The following FGD5 variants were observed in gnomAD, a reference collection of about 807,000 sequenced individuals.
FGD5 encodes the protein FYVE, RhoGEF and PH domain containing 5.
In FGD5, 28 loss-of-function variants were observed where a neutral mutation model predicts 133.4. That is an observed-to-expected ratio of 0.21 (90% CI 0.16 to 0.29). The LOEUF (loss-of-function observed/expected upper bound fraction) is 0.29, where lower values mean the gene tolerates loss of function less well. Among genes scored for constraint, FGD5 ranks in the 10% least tolerant of loss-of-function variants. FGD5 has a pLI of 1.00. For synonymous variants in FGD5, 810 were observed against 776.5 expected (o/e 1.04, Z -0.72); for missense variants, 1,858 against 1,895.2 (o/e 0.98, Z 0.36).
At chr3:14,814,608 C>T (rs546002765), upstream of FGD5, among the ~76,000 whole-genome samples, 13 of 152,298 alleles carry the variant, frequency 8.5e-5, 1 homozygote, top group East Asian at 2.5e-3. Context: ...TCTCTGTCCA[C>T]ACTCATGCCT....
intron 1 of FGD5, among the ~76,000 whole-genome samples, chr3:14,840,821 A>G (rs1311149372): frequency 6.6e-6 from 1 of 152,222 alleles, no homozygotes; most frequent in African/African-American, 2.4e-5. Context: ...GTGAGTGTAT[A>G]TAGTGTGTGT....
At chr3:14,900,316 T>A in intron 7 of FGD5, 87 bp from the exon 8 acceptor site, 1 of 1,356,768 alleles carries the variant, frequency 7.4e-7, no homozygotes, top group South Asian at 1.2e-5. Flanking sequence ...TTCTTCCAAC[T>A]CTGGCAAGAG....
chr3:14,882,436 G>A (rs2037843139), intron 4 of FGD5: 1 of 793,298 alleles, frequency 1.3e-6, no homozygotes, highest in East Asian at 1.3e-4. Flanking sequence ...GATGGCTCAT[G>A]CCTGTAATCT....
intron 1 of FGD5, among the ~76,000 whole-genome samples, chr3:14,812,598 T>C (rs1009653762): frequency 2.0e-5 from 3 of 152,096 alleles, no homozygotes; most frequent in Non-Finnish European, 2.9e-5. Context: ...CCTTTTTCAA[T>C]GTGATGGTAA....
chr3:14,844,197 T>A (rs566548099), intron 1 of FGD5, among the ~76,000 whole-genome samples: 1 of 60,494 alleles, frequency 1.7e-5, no homozygotes, highest in Non-Finnish European at 3.2e-5. Context: ...CACATCTTAA[T>A]AGGCATTAAA....
intron 12 of FGD5, 52 bp from the exon 13 acceptor site, chr3:14,918,702 A>C: frequency 6.3e-7 from 1 of 1,577,922 alleles, no homozygotes; most frequent in African/African-American, 1.3e-5. Flanking sequence ...AAGCCGGTCT[A>C]CACTTGCCCC....
chr3:14,860,344 G>A (rs1442145165), intron 1 of FGD5, among the ~76,000 whole-genome samples: 4 of 152,212 alleles, frequency 2.6e-5, no homozygotes, highest in African/African-American at 9.7e-5. Context: ...TTTCCTGAAG[G>A]CAGGAACCAG....
intron 1 of FGD5, among the ~76,000 whole-genome samples, chr3:14,851,454 C>A (rs1623841): frequency 0.67 from 101,712 of 151,750 alleles, 34,324 homozygotes; most frequent in African/African-American, 0.73. Flanking sequence ...ACTGCAGTCC[C>A]AGAGATGACC....
At chr3:14,919,952 G>GT (rs2038642418) in intron 13 of FGD5, among the ~76,000 whole-genome samples, 1 of 152,172 alleles carries the variant, frequency 6.6e-6, no homozygotes, top group East Asian at 1.9e-4. Context: ...ATTTGAATTT[G>GT]GGGGGACACA....
chr3:14,814,849 T>C (rs1357009697), upstream of FGD5, among the ~76,000 whole-genome samples: 1 of 152,216 alleles, frequency 6.6e-6, no homozygotes, highest in African/African-American at 2.4e-5. Context: ...AAACTTCAGC[T>C]TTCTAGTTGC....
rs536337077 is a variant in FGD5, at chr3:14,932,887, C to T, written c.4352+156C>T. 2.0e-5 allele frequency among the ~76,000 whole-genome samples: 3 copies of T among 152,308 alleles called. No individual in the cohort carries two copies. In the East Asian group the frequency reaches 5.8e-4, roughly 29 times the overall value. On this transcript the variant is annotated intron_variant, in intron 19 of 19. Transcript: ENST00000285046. ...CTGCAGAACTACCTGTTCTTTGTCA[C>T]AATCATGTTTAGACTGTTTTGATTC...
intron 4 of FGD5, among the ~76,000 whole-genome samples, chr3:14,892,582 C>T (rs540164685): frequency 6.6e-4 from 101 of 152,276 alleles, no homozygotes; most frequent in Non-Finnish European, 1.3e-3. Context: ...CTTTGGGAGG[C>T]CGAGGCGGGC....
At chr3:14,858,257 A>T (rs2037324504) in intron 1 of FGD5, among the ~76,000 whole-genome samples, 1 of 149,650 alleles carries the variant, frequency 6.7e-6, no homozygotes, top group East Asian at 2.1e-4. Context: ...GTGTGAGGGG[A>T]TGGGTGAGAA....
chr3:14,910,523 A>G (rs2125143956), intron 10 of FGD5, among the ~76,000 whole-genome samples: 1 of 152,232 alleles, frequency 6.6e-6, no homozygotes, highest in Admixed American at 6.5e-5. Context: ...GACACACACC[A>G]TGGCACCCAG....
At chr3:14,928,735 A>G (rs2038855688) in intron 18 of FGD5, among the ~76,000 whole-genome samples, 1 of 152,212 alleles carries the variant, frequency 6.6e-6, no homozygotes, top group South Asian at 2.1e-4. Context: ...ACAGAGCAAG[A>G]CTGTCTTAAA....
chr3:14,900,166 C>G (rs2038210461), intron 7 of FGD5, among the ~76,000 whole-genome samples: 1 of 152,226 alleles, frequency 6.6e-6, no homozygotes, highest in East Asian at 1.9e-4. Flanking sequence ...CAGTGCCAGG[C>G]AGGTGCTCAA....
chr3:14,888,137 T>G (rs1447475934), intron 4 of FGD5, among the ~76,000 whole-genome samples: 1 of 145,984 alleles, frequency 6.9e-6, no homozygotes, highest in Non-Finnish European at 1.5e-5. Context: ...ACCACTATGC[T>G]CCAGCCTGGG....
chr3:14,933,345 A>C lies in FGD5; in HGVS notation c.*178A>C, dbSNP rs1212566072. The C allele has an allele frequency of 3.0e-6, 2 of 673,028 alleles. No homozygotes were observed. The highest frequency in any genetic ancestry group is 2.7e-5 in the East Asian group (1 of 36,642). The allele number at this position is 673,028 out of a possible 1,614,324, so 41.7% of individuals were successfully genotyped here. A position where few individuals can be genotyped will look rare whatever the true frequency, so the allele number is the denominator to read the frequency against. On this transcript the variant is annotated 3_prime_UTR_variant, in exon 20 of 20. Transcript: ENST00000285046. The stretch of plus-strand genomic sequence containing the variant: ...CCCTTGCCAACATCTTCATGAATGG[A>C]ATCCTTAAGGGATATTTATGGACCT...
chr3:14,913,633 C>T (rs768750074), intron 11 of FGD5, among the ~76,000 whole-genome samples: 3 of 152,196 alleles, frequency 2.0e-5, no homozygotes, highest in Non-Finnish European at 4.4e-5. Flanking sequence ...TGTCTTGGCC[C>T]CTCAGCCATT....
Sources: allele counts gnomAD v4.1 joint callset (sites outside exome capture counted in the v4.1 genomes callset), GRCh38; gene constraint gnomAD v4.1.1; transcripts MANE v1.5; gene names NCBI Gene and HGNC (gene_info 2026-07-23, HGNC 2026-07-21).